The following SEC61G variants were observed in gnomAD, a reference collection of about 807,000 sequenced individuals.
The protein encoded by SEC61G is protein transport protein Sec61 subunit gamma.
In SEC61G, 4 loss-of-function variants were observed where a neutral mutation model predicts 7.5. The observed-to-expected ratio is 0.54, with a 90% CI of 0.26 to 1.22. The LOEUF (loss-of-function observed/expected upper bound fraction) is 1.22, where lower values mean the gene tolerates loss of function less well. Among genes scored for constraint, SEC61G ranks in the 50% most tolerant of loss-of-function variants. The pLI is 0.12. For synonymous variants in SEC61G, 24 were observed against 24.4 expected (o/e 0.98, Z 0.05); for missense variants, 53 against 84.6 (o/e 0.63, Z 1.46).
intron 3 of SEC61G, among the ~76,000 whole-genome samples, chr7:54,752,771 C>G (rs1791439644): frequency 6.6e-6 from 1 of 152,136 alleles, no homozygotes; most frequent in African/African-American, 2.4e-5. Context: ...AGTTGACACA[C>G]CAGTAGAACA....
At chr7:54,755,992 A>G in intron 2 of SEC61G, 111 bp from the exon 3 acceptor site, 1 of 497,828 alleles carries the variant, frequency 2.0e-6, no homozygotes, top group Non-Finnish European at 3.6e-6. Flanking sequence ...TCTCCTGTTA[A>G]TAGATATATA....
chr7:54,755,367 T>A (rs981246736), intron 3 of SEC61G: 3 of 152,888 alleles, frequency 2.0e-5, no homozygotes, highest in Admixed American at 2.0e-4. Context: ...AGCTACTGCA[T>A]AACAAGAAAA....
rs151293338 is a variant in SEC61G at position 54,756,608 on chromosome 7, G to A, written c.95-727C>T. Among the ~76,000 whole-genome samples, 658 of 152,256 alleles carry A rather than the reference G, an allele frequency of 4.3e-3. 4 individuals are homozygous for A. The highest frequency in any genetic ancestry group is 7.1e-3 in the Non-Finnish European group (480 of 68,016). ...GCGGAGGTTGCAGTGAGCCGAGATC[G>A]CGTCACTGCACTTCAGCCTGGGCAA... On this transcript the variant is annotated intron_variant, in intron 2 of 3. Transcript: ENST00000352861.
chr7:54,752,795 CAG>C (rs1444954816), intron 3 of SEC61G, among the ~76,000 whole-genome samples: 1 of 152,146 alleles, frequency 6.6e-6, no homozygotes, highest in Non-Finnish European at 1.5e-5. Context: ...CAGCAGAAAA[CAG>C]ACTGCAGATG....
intron 1 of SEC61G, among the ~76,000 whole-genome samples, chr7:54,758,017 T>C (rs1300242113): frequency 1.3e-5 from 2 of 152,208 alleles, no homozygotes; most frequent in Non-Finnish European, 2.9e-5. Flanking sequence ...ACTTTCCATA[T>C]TTTATTTTAA....
chr7:54,752,363 C>T lies in SEC61G; in HGVS notation c.*48G>A, dbSNP rs1303368384. 2 of 1,437,650 alleles carry T rather than the reference C, an allele frequency of 1.4e-6. No individual in the cohort carries two copies. The highest frequency in any genetic ancestry group is 2.9e-5 in the African/African-American group (2 of 69,400). The allele number at this position is 1,437,650 out of a possible 1,614,324, so 89.1% of individuals were successfully genotyped here. A position where few individuals can be genotyped will look rare whatever the true frequency, so the allele number is the denominator to read the frequency against. On this transcript the variant is annotated 3_prime_UTR_variant, in exon 4 of 4. Transcript: ENST00000352861. ...ATTCTGTGAGTTTCTCACACCCTCA[C>T]ACTTGTTCACCAATCTCTAAGATGA...
At chr7:54,752,799 C>G (rs186505454) in intron 3 of SEC61G, among the ~76,000 whole-genome samples, 2 of 152,198 alleles carry the variant, frequency 1.3e-5, no homozygotes, top group African/African-American at 4.8e-5. Flanking sequence ...AGAAAACAGA[C>G]TGCAGATGAG....
intron 1 of SEC61G, among the ~76,000 whole-genome samples, chr7:54,757,978 G>A (rs146919102): frequency 1.3e-5 from 2 of 152,114 alleles, no homozygotes; most frequent in African/African-American, 4.8e-5. Flanking sequence ...CCGCTCCTAA[G>A]GAACCATCAG....
chr7:54,756,970 TATAC>T (rs1366543385), intron 2 of SEC61G, among the ~76,000 whole-genome samples: 2 of 97,352 alleles, frequency 2.1e-5, no homozygotes, highest in Admixed American at 1.0e-4. Flanking sequence ...ATATACTATA[TATAC>T]TATATACTAT....
At chr7:54,756,517 G>A (rs763714827) in intron 2 of SEC61G, among the ~76,000 whole-genome samples, 20 of 152,156 alleles carry the variant, frequency 1.3e-4, no homozygotes, top group Non-Finnish European at 2.5e-4. Context: ...TTAGCCGGGC[G>A]TGGTGGCGCA....
Position 54,753,168 on chromosome 7 carries a change from C to T in SEC61G, c.198-748G>A, listed in dbSNP as rs376947126. Among the ~76,000 whole-genome samples the T allele has an allele frequency of 2.8e-4, 43 of 152,184 alleles. 3 individuals carry two copies. Among genetic ancestry groups the T allele is most frequent in the East Asian group, 2.7e-3 (14 of 5,156 alleles). ...ATTAGCCAGGCATGGTGGGGTGCAA[C>T]TGTAGTCCCAGCTACTCAGGAGGCT... On this transcript the variant is annotated intron_variant, in intron 3 of 3. Coordinates refer to ENST00000352861, the MANE Select transcript of SEC61G (RefSeq NM_014302.4).
At chr7:54,756,975 T>A (rs1489467666) in intron 2 of SEC61G, among the ~76,000 whole-genome samples, 2 of 97,508 alleles carry the variant, frequency 2.1e-5, no homozygotes, top group Non-Finnish European at 5.1e-5. Flanking sequence ...CTATATATAC[T>A]ATATACTATA....
chr7:54,752,812 CA>C (rs1264856975), intron 3 of SEC61G, among the ~76,000 whole-genome samples: 4 of 152,174 alleles, frequency 2.6e-5, no homozygotes, highest in African/African-American at 9.7e-5. Context: ...CAGATGAGCA[CA>C]AGGTACTCAA....
Position 54,752,799 on chromosome 7 carries a change from C to T in SEC61G, c.198-379G>A, listed in dbSNP as rs186505454. ...GTAGAACACACCAGCAGAAAACAGA[C>T]TGCAGATGAGCACAAGGTACTCAAG... On this transcript the variant is annotated intron_variant, in intron 3 of 3. Transcript: ENST00000352861. 1.4e-4 allele frequency among the ~76,000 whole-genome samples: 22 copies of T among 152,316 alleles called. No homozygotes were observed. The East Asian group carries it at 4.1e-3, about 28-fold the overall frequency.
chr7:54,757,414 G>T (rs1791541314), intron 2 of SEC61G, 81 bp downstream of exon 2: 2 of 1,064,148 alleles, frequency 1.9e-6, no homozygotes, highest in Admixed American at 1.8e-5. Flanking sequence ...TAATGCAAGG[G>T]CTATTAATCA....
At chr7:54,758,972 C>T in intron 1 of SEC61G, 186 bp downstream of exon 1, 2 of 314,596 alleles carry the variant, frequency 6.4e-6, no homozygotes, top group South Asian at 4.7e-5. Flanking sequence ...GTCTGCCTTC[C>T]GCCAGAGGCC....
chr7:54,754,319 T>C (rs577734744), intron 3 of SEC61G, among the ~76,000 whole-genome samples: 2 of 152,304 alleles, frequency 1.3e-5, no homozygotes, highest in South Asian at 4.1e-4. Context: ...AATAAATCTG[T>C]CTCATGACAG....
intron 3 of SEC61G, among the ~76,000 whole-genome samples, chr7:54,752,917 A>G (rs989046267): frequency 6.6e-6 from 1 of 152,258 alleles, no homozygotes; most frequent in East Asian, 1.9e-4. Flanking sequence ...GAGTTTTAAA[A>G]GCATAAACAT....
chr7:54,755,942 A>G, intron 2 of SEC61G, 61 bp from the exon 3 acceptor site: 1 of 890,540 alleles, frequency 1.1e-6, no homozygotes, highest in African/African-American at 1.7e-5. Context: ...TATGGGAAAA[A>G]AACTATCAGC....
Sources: gnomAD v4.1 joint callset for allele counts (sites outside exome capture counted in the v4.1 genomes callset) on GRCh38, gnomAD v4.1.1 for gene constraint, MANE v1.5 for transcripts, NCBI Gene and HGNC (gene_info 2026-07-23, HGNC 2026-07-21) for gene names.